Variants in JAK1 observed in about 807,000 individuals in gnomAD.
JAK1 encodes the protein Janus kinase 1, also known as tyrosine-protein kinase JAK1.
In JAK1, 16 loss-of-function variants were observed where a neutral mutation model predicts 136.6. The ratio of observed to expected loss-of-function variants is 0.12; its 90% CI spans 0.08 to 0.18. The LOEUF (loss-of-function observed/expected upper bound fraction) is 0.18. Ranked by LOEUF, JAK1 falls within the 10% of genes least tolerant of loss-of-function variation. The pLI is 1.00. For missense variants in JAK1, 859 were observed against 1,450.1 expected, an observed-to-expected ratio of 0.59 and a Z score of 6.62; for synonymous variants, 492 against 519.5, an observed-to-expected ratio of 0.95 and a Z score of 0.72.
chr1:65,040,281 T>C (rs552722193), intron 2 of JAK1, among the ~76,000 whole-genome samples: 4 of 151,818 alleles, frequency 2.6e-5, no homozygotes, highest in South Asian at 2.1e-4. Flanking sequence ...CTAGCACAGA[T>C]GCTTTCCTTC....
At chr1:64,958,357 T>G (rs1020171178) in intron 1 of JAK1, among the ~76,000 whole-genome samples, 1 of 152,232 alleles carries the variant, frequency 6.6e-6, no homozygotes, top group African/African-American at 2.4e-5. Flanking sequence ...CCACCATACA[T>G]CAAATGATTT....
At chr1:64,998,645 C>G in intron 2 of JAK1, among the ~76,000 whole-genome samples, 1 of 152,166 alleles carries the variant, frequency 6.6e-6, no homozygotes, top group Admixed American at 6.5e-5. Context: ...ATGGGAGGAA[C>G]CCAGTGATAA....
At chr1:64,957,013 G>A (rs919189394) in intron 1 of JAK1, among the ~76,000 whole-genome samples, 4 of 152,296 alleles carry the variant, frequency 2.6e-5, no homozygotes, top group Admixed American at 6.5e-5. Flanking sequence ...AACTGTTTTA[G>A]ATAACTAGGG....
chr1:64,905,793 C>T (rs1409665289), intron 1 of JAK1, among the ~76,000 whole-genome samples: 1 of 152,104 alleles, frequency 6.6e-6, no homozygotes, highest in Non-Finnish European at 1.5e-5. Flanking sequence ...TTATGTGTAC[C>T]TATCTCACAT....
chr1:64,869,341 ATCT>A lies in JAK1; in HGVS notation c.614_616del (p.Lys205del). 1.2e-6 allele frequency: 2 copies of A among 1,614,144 alleles called. No individual in the cohort carries two copies. Among genetic ancestry groups the A allele is most frequent in the Non-Finnish European group, 1.7e-6 (2 of 1,180,010 alleles). On this transcript the variant is annotated inframe_deletion, in exon 6 of 25. Coordinates refer to ENST00000342505, the MANE Select transcript of JAK1 (RefSeq NM_002227.4). ...GTCCTTGGGCAGTTCTGGCAACTGC[ATCT>A]TCTTCATCATGGCATAGTGTGAGAT...
upstream of JAK1, among the ~76,000 whole-genome samples, chr1:64,968,652 C>T (rs982007681): frequency 6.6e-6 from 1 of 152,022 alleles, no homozygotes; most frequent in Admixed American, 6.5e-5. Context: ...CAAACAAAGG[C>T]CAGGTGCAGT....
chr1:64,839,875 A>G (rs1029840728), intron 19 of JAK1, 80 bp from the exon 20 acceptor site: 83 of 1,254,346 alleles, frequency 6.6e-5, no homozygotes, highest in Non-Finnish European at 8.5e-5. Context: ...TGCTCCTCAC[A>G]GCCGTTCCCC....
At chr1:64,849,361 T>C (rs549152668) in intron 12 of JAK1, among the ~76,000 whole-genome samples, 4 of 152,278 alleles carry the variant, frequency 2.6e-5, no homozygotes, top group Admixed American at 1.3e-4. Context: ...AGCTCATTTT[T>C]TCATTTGTAT....
intron 1 of JAK1, 64 bp downstream of exon 1, chr1:64,966,269 T>G (rs1168960069): frequency 6.6e-6 from 1 of 152,316 alleles, no homozygotes; most frequent in Non-Finnish European, 1.5e-5. Flanking sequence ...CAGTCCGGGC[T>G]GCGCGCCCCT....
At chr1:64,996,604 T>A (rs1225294408) in intron 2 of JAK1, among the ~76,000 whole-genome samples, 1 of 152,232 alleles carries the variant, frequency 6.6e-6, no homozygotes, top group Non-Finnish European at 1.5e-5. Context: ...CATGGGTTGA[T>A]TGGTGGGTTA....
intron 1 of JAK1, among the ~76,000 whole-genome samples, chr1:64,916,318 A>C (rs1570767433): frequency 6.6e-6 from 1 of 152,232 alleles, no homozygotes; most frequent in African/African-American, 2.4e-5. Context: ...CAGAGAAAAA[A>C]GGAGCTCTCG....
chr1:65,007,165 G>A (rs1267285990), intron 2 of JAK1, among the ~76,000 whole-genome samples: 1 of 152,170 alleles, frequency 6.6e-6, no homozygotes, highest in Non-Finnish European at 1.5e-5. Flanking sequence ...AATGTAAATA[G>A]GACAAAGACA....
Position 64,879,108 on chromosome 1 carries a change from G to T in JAK1, c.246C>A (p.Asp82Glu). 6.2e-7 allele frequency: 1 copy of T among 1,613,818 alleles called. No individual in the cohort carries two copies. The highest frequency in any genetic ancestry group is 8.5e-7 in the Non-Finnish European group (1 of 1,179,858). Residue 82 changes from aspartate to glutamate, a missense_variant, in exon 4 of 25, where the codon GAC (aspartate) becomes GAA (glutamate). This residue lies in a region of JAK1 where 353 missense variants were observed against 494.0 expected (regional missense o/e 0.71). Transcript: ENST00000342505. ...GAGCATACCAGAGCTTGGTGTTCTC[G>T]TCATACAGGGCAAAGAGGTTGTGAC... ...PLCHNLFALY[D>E]ENTKLWYAPN...
At chr1:64,855,254 T>TA (rs1655853665) in intron 11 of JAK1, among the ~76,000 whole-genome samples, 1 of 152,230 alleles carries the variant, frequency 6.6e-6, no homozygotes, top group South Asian at 2.1e-4. Flanking sequence ...ATTTTCTGCT[T>TA]ACTAATGCTG....
chr1:64,911,198 T>C (rs1040659821), intron 1 of JAK1, among the ~76,000 whole-genome samples: 2 of 152,128 alleles, frequency 1.3e-5, no homozygotes, highest in Non-Finnish European at 2.9e-5. Context: ...TGGTGAGGGA[T>C]TTGGGGCCAC....
At chr1:64,976,697 T>G (rs899837319) in intron 2 of JAK1, among the ~76,000 whole-genome samples, 3 of 152,340 alleles carry the variant, frequency 2.0e-5, no homozygotes, top group Middle Eastern at 3.4e-3. Context: ...GGGCCTCACA[T>G]GGAACATAAT....
chr1:64,922,379 G>A (rs888693178), intron 1 of JAK1, among the ~76,000 whole-genome samples: 1 of 152,052 alleles, frequency 6.6e-6, no homozygotes, highest in African/African-American at 2.4e-5. Context: ...GGAATCCCCT[G>A]TCAGTTCATT....
intron 1 of JAK1, among the ~76,000 whole-genome samples, chr1:65,052,115 G>A (rs1272212038): frequency 8.1e-6 from 1 of 123,362 alleles, no homozygotes; most frequent in Non-Finnish European, 1.7e-5. Context: ...ACCACGCCTG[G>A]CTATTTTTTT....
intron 14 of JAK1, 31 bp from the exon 15 acceptor site, chr1:64,845,671 C>G (rs1467472259): frequency 1.2e-6 from 2 of 1,613,938 alleles, no homozygotes; most frequent in Non-Finnish European, 1.7e-6. Flanking sequence ...ATGTCTGGAA[C>G]CTGGTCTGTG....
Sources: gnomAD v4.1 joint callset for allele counts (sites outside exome capture counted in the v4.1 genomes callset) on GRCh38, gnomAD v4.1.1 for gene constraint, gnomAD v4.1.1 regional missense constraint, MANE v1.5 for transcripts, NCBI Gene and HGNC (gene_info 2026-07-23, HGNC 2026-07-21) for gene names.